Variants in NRXN3 observed in about 807,000 individuals in gnomAD.
NRXN3 encodes neurexin 3, also known as neurexin III.
In NRXN3, 32 loss-of-function variants were observed where a neutral mutation model predicts 137.6. The observed-to-expected ratio is 0.23, with a 90% CI of 0.18 to 0.31. The LOEUF is 0.31. Among genes scored for constraint, NRXN3 ranks in the 10% least tolerant of loss-of-function variants. The pLI is 1.00. For synonymous variants in NRXN3, 798 were observed against 784.5 expected, an observed-to-expected ratio of 1.02 and a Z score of -0.29; for missense variants, 1,574 against 2,062.5, an observed-to-expected ratio of 0.76 and a Z score of 4.59.
chr14:78,666,177 G>A (rs2152697462), intron 6 of NRXN3, among the ~76,000 whole-genome samples: 1 of 152,186 alleles, frequency 6.6e-6, no homozygotes, highest in Admixed American at 6.5e-5. Context: ...CAGTATTTTT[G>A]ACTATATTCA....
At chr14:79,382,985 G>GGTGT (rs2094511973) in intron 15 of NRXN3, among the ~76,000 whole-genome samples, 2 of 151,504 alleles carry the variant, frequency 1.3e-5, no homozygotes, top group Admixed American at 6.6e-5. Context: ...AGAGATGAGA[G>GGTGT]GTGTGTGGGT....
At chr14:79,719,450 C>A (rs1306675261) in intron 19 of NRXN3, among the ~76,000 whole-genome samples, 2 of 135,388 alleles carry the variant, frequency 1.5e-5, no homozygotes, top group Non-Finnish European at 3.2e-5. Context: ...AAAATCAAAA[C>A]AAAAAAGGCA....
intron 19 of NRXN3, among the ~76,000 whole-genome samples, chr14:79,736,901 G>A (rs996785978): frequency 6.6e-6 from 1 of 152,180 alleles, no homozygotes; most frequent in Non-Finnish European, 1.5e-5. Context: ...CCACAGGTGA[G>A]AGGGAAGATG....
chr14:79,719,247 ATATATGTG>A, intron 19 of NRXN3, among the ~76,000 whole-genome samples: 1 of 57,682 alleles, frequency 1.7e-5, no homozygotes, highest in South Asian at 5.8e-4. Flanking sequence ...CATCATAGAC[ATATATGTG>A]TGTGTGTGTG....
chr14:79,465,750 A>G (rs2096413256), intron 15 of NRXN3, among the ~76,000 whole-genome samples: 1 of 152,204 alleles, frequency 6.6e-6, no homozygotes, highest in Admixed American at 6.5e-5. Context: ...ATGCTGCTTT[A>G]AAAGAGTTTT....
At chr14:78,175,119 A>T (rs2059140823) in intron 1 of NRXN3, among the ~76,000 whole-genome samples, 1 of 152,160 alleles carries the variant, frequency 6.6e-6, no homozygotes, top group Admixed American at 6.5e-5. Flanking sequence ...CCATTTTCCC[A>T]TCTTCAGCTG....
chr14:79,382,882 A>C (rs936558015), intron 15 of NRXN3, among the ~76,000 whole-genome samples: 9 of 152,058 alleles, frequency 5.9e-5, no homozygotes, highest in African/African-American at 2.2e-4. Context: ...TGACTTCCCT[A>C]ATAGTTAAGT....
At chr14:79,111,954 A>G (rs1204751154) in intron 15 of NRXN3, among the ~76,000 whole-genome samples, 1 of 152,194 alleles carries the variant, frequency 6.6e-6, no homozygotes, top group African/African-American at 2.4e-5. Flanking sequence ...AAAGGAATCC[A>G]GTATGTGCAT....
intron 17 of NRXN3, among the ~76,000 whole-genome samples, chr14:79,666,171 G>GCTTTCAAAATATATTAGATT (rs2098556322): frequency 1.3e-5 from 2 of 152,052 alleles, no homozygotes; most frequent in African/African-American, 4.8e-5. Flanking sequence ...TTTCTGTAAT[G>GCTTTCAAAATATATTAGATT]CTTTCAAAAT....
intron 15 of NRXN3, among the ~76,000 whole-genome samples, chr14:79,125,158 C>G (rs1402270765): frequency 6.6e-6 from 1 of 152,208 alleles, no homozygotes; most frequent in African/African-American, 2.4e-5. Context: ...CTTCATCTGG[C>G]TGTCCCTTTT....
intron 19 of NRXN3, among the ~76,000 whole-genome samples, chr14:79,787,075 A>T (rs2099131480): frequency 6.6e-6 from 1 of 152,194 alleles, no homozygotes; most frequent in Admixed American, 6.5e-5. Flanking sequence ...CAGTTTTCAG[A>T]TCTACATGAT....
chr14:79,662,092 GA>G (rs1203709151), intron 16 of NRXN3, among the ~76,000 whole-genome samples: 2 of 152,056 alleles, frequency 1.3e-5, no homozygotes, highest in African/African-American at 4.8e-5. Flanking sequence ...CGTGAAGAAG[GA>G]TGTGTTTGCT....
At chr14:79,278,646 G>A (rs2080704698) in intron 15 of NRXN3, among the ~76,000 whole-genome samples, 1 of 152,208 alleles carries the variant, frequency 6.6e-6, no homozygotes, top group African/African-American at 2.4e-5. Context: ...TACAGGCGCG[G>A]ACGATAACCT....
intron 20 of NRXN3, among the ~76,000 whole-genome samples, chr14:79,838,762 C>T (rs1018213511): frequency 2.0e-5 from 3 of 152,134 alleles, no homozygotes; most frequent in South Asian, 2.1e-4. Context: ...TGGTGGGATT[C>T]GTGTTTCTGA....
chr14:78,260,529 C>T (rs1292326692), intron 2 of NRXN3, among the ~76,000 whole-genome samples: 1 of 152,222 alleles, frequency 6.6e-6, no homozygotes, highest in Non-Finnish European at 1.5e-5. Flanking sequence ...TGTCCCCAGC[C>T]AAATCTCATT....
intron 15 of NRXN3, among the ~76,000 whole-genome samples, chr14:79,234,345 T>TTATATATATATATATAA (rs1463036536): frequency 1.4e-4 from 15 of 106,310 alleles, no homozygotes; most frequent in African/African-American, 5.5e-4. Context: ...TATATAATAT[T>TTATATATATATATATAA]TATATATATA....
intron 15 of NRXN3, among the ~76,000 whole-genome samples, chr14:79,181,801 C>T (rs1307075652): frequency 6.6e-6 from 1 of 151,736 alleles, no homozygotes; most frequent in Non-Finnish European, 1.5e-5. Context: ...TCATTGATTC[C>T]AGCCACATGC....
intron 4 of NRXN3, among the ~76,000 whole-genome samples, chr14:78,333,462 A>G (rs1281138555): frequency 1.3e-5 from 2 of 152,210 alleles, no homozygotes; most frequent in African/African-American, 4.8e-5. Flanking sequence ...AGAGTAGGGT[A>G]GAGAAGTACA....
intron 15 of NRXN3, among the ~76,000 whole-genome samples, chr14:79,052,863 T>C (rs2099643985): frequency 6.6e-6 from 1 of 152,196 alleles, no homozygotes; most frequent in Non-Finnish European, 1.5e-5. Context: ...CATACCCTGA[T>C]GTCACTTGTT....
Sources: allele counts gnomAD v4.1 joint callset (sites outside exome capture counted in the v4.1 genomes callset), GRCh38; gene constraint gnomAD v4.1.1; transcripts MANE v1.5; gene names NCBI Gene and HGNC (gene_info 2026-07-23, HGNC 2026-07-21).